PLEKHA5: variants seen among roughly 807,000 people sequenced by gnomAD.
The protein encoded by PLEKHA5 is pleckstrin homology domain-containing family A member 5.
PLEKHA5 carries 55 observed loss-of-function variants against 181.9 expected under a neutral mutation model. That is an observed-to-expected ratio of 0.30 (90% CI 0.24 to 0.38). The LOEUF is 0.38. Ranked by LOEUF, PLEKHA5 falls within the 10% of genes least tolerant of loss-of-function variation. PLEKHA5 has a pLI of 1.00. For synonymous variants in PLEKHA5, 535 were observed against 529.4 expected, an observed-to-expected ratio of 1.01 and a Z score of -0.15; for missense variants, 1,432 against 1,549.5, an observed-to-expected ratio of 0.92 and a Z score of 1.27.
intron 3 of PLEKHA5, among the ~76,000 whole-genome samples, chr12:19,158,004 C>T (rs1012324755): frequency 6.6e-5 from 10 of 152,066 alleles, no homozygotes; most frequent in Non-Finnish European, 1.2e-4. Context: ...TCAACTAATA[C>T]AGCTATTGCC....
chr12:19,374,509 A>C (rs975463653), intron 31 of PLEKHA5, among the ~76,000 whole-genome samples: 2 of 151,788 alleles, frequency 1.3e-5, no homozygotes, highest in Non-Finnish European at 2.9e-5. Context: ...AAATACAAAA[A>C]TTAGCTGGGC....
intron 6 of PLEKHA5, among the ~76,000 whole-genome samples, chr12:19,258,384 A>C (rs1449657002): frequency 6.6e-6 from 1 of 151,984 alleles, no homozygotes; most frequent in Non-Finnish European, 1.5e-5. Context: ...ATATTAGTTC[A>C]TTGGTGTCAG....
chr12:19,182,041 A>AAT (rs2048727072), intron 3 of PLEKHA5, among the ~76,000 whole-genome samples: 2 of 152,290 alleles, frequency 1.3e-5, no homozygotes, highest in African/African-American at 4.8e-5. Context: ...TTCAGTAGTT[A>AAT]TTTTTAGCAG....
chr12:19,132,527 C>T, intron 3 of PLEKHA5, 77 bp downstream of exon 3: 2 of 745,982 alleles, frequency 2.7e-6, no homozygotes, highest in Non-Finnish European at 4.7e-6. Flanking sequence ...AGTTGTATGT[C>T]CAGTCTTGAT....
chr12:19,357,600 C>G (rs145705216), intron 26 of PLEKHA5, among the ~76,000 whole-genome samples: 2 of 151,248 alleles, frequency 1.3e-5, no homozygotes, highest in African/African-American at 4.9e-5. Flanking sequence ...CCCAGATTTA[C>G]TGGAACTGAG....
chr12:19,160,314 T>G (rs1308066541), intron 3 of PLEKHA5, among the ~76,000 whole-genome samples: 2 of 152,070 alleles, frequency 1.3e-5, no homozygotes, highest in African/African-American at 4.8e-5. Flanking sequence ...TGTCTTATAG[T>G]ATGAAATTAT....
At chr12:19,144,732 G>C (rs892155028) in intron 3 of PLEKHA5, among the ~76,000 whole-genome samples, 5 of 152,210 alleles carry the variant, frequency 3.3e-5, no homozygotes, top group African/African-American at 1.2e-4. Flanking sequence ...ATTGTGATAA[G>C]CTAGTGATGT....
At chr12:19,172,810 A>C (rs1191601029) in intron 3 of PLEKHA5, among the ~76,000 whole-genome samples, 1 of 152,114 alleles carries the variant, frequency 6.6e-6, no homozygotes, top group Non-Finnish European at 1.5e-5. Flanking sequence ...TGGCAGAGCC[A>C]GGAAAATAAC....
intron 3 of PLEKHA5, among the ~76,000 whole-genome samples, chr12:19,141,636 A>T (rs1483622882): frequency 6.6e-6 from 1 of 152,192 alleles, no homozygotes; most frequent in Non-Finnish European, 1.5e-5. Flanking sequence ...GTTATTCGGG[A>T]TGGTTCAGGC....
At chr12:19,308,321 T>A (rs1205469496) in intron 15 of PLEKHA5, among the ~76,000 whole-genome samples, 2 of 152,162 alleles carry the variant, frequency 1.3e-5, no homozygotes, top group African/African-American at 4.8e-5. Context: ...TTGTATTTGT[T>A]CATCTCAACC....
chr12:19,143,306 A>T (rs1295181966), intron 3 of PLEKHA5, among the ~76,000 whole-genome samples: 1 of 152,222 alleles, frequency 6.6e-6, no homozygotes, highest in Non-Finnish European at 1.5e-5. Context: ...GCATTTTTTT[A>T]AAGTTAGTAA....
chr12:19,188,183 A>G (rs1044492596), intron 3 of PLEKHA5, among the ~76,000 whole-genome samples: 24 of 152,224 alleles, frequency 1.6e-4, no homozygotes, highest in African/African-American at 5.8e-4. Context: ...AAGAGCAGGT[A>G]CAAATAGAGT....
chr12:19,158,924 A>G (rs1312619327), intron 3 of PLEKHA5, among the ~76,000 whole-genome samples: 1 of 152,188 alleles, frequency 6.6e-6, no homozygotes, highest in Non-Finnish European at 1.5e-5. Flanking sequence ...CTTGTAAGTG[A>G]TCAGACATCT....
chr12:19,271,782 TAC>T lies in PLEKHA5; in HGVS notation c.845+1579_845+1580del, dbSNP rs2072890125. 3.3e-5 allele frequency among the ~76,000 whole-genome samples: 5 copies of T among 152,168 alleles called. No homozygotes were observed. In the South Asian group the frequency reaches 1.0e-3, roughly 32 times the overall value. Reference sequence around the variant, plus strand: ...TGATAGTTCACTAGTTAGGTGCTTATACAGTTTTCAGCCGTCTTTGTTAGTGT... The same window carrying T: ...TGATAGTTCACTAGTTAGGTGCTTATAGTTTTCAGCCGTCTTTGTTAGTGT... On this transcript the variant is annotated intron_variant, in intron 10 of 31. Transcript: ENST00000429027.
At chr12:19,195,071 G>A (rs1048794989) in intron 3 of PLEKHA5, among the ~76,000 whole-genome samples, 6 of 151,910 alleles carry the variant, frequency 3.9e-5, no homozygotes, top group East Asian at 1.9e-4. Context: ...AATTCTGTAG[G>A]GTGAGAAATA....
chr12:19,175,308 A>C (rs2046923976), intron 3 of PLEKHA5, among the ~76,000 whole-genome samples: 1 of 152,212 alleles, frequency 6.6e-6, no homozygotes, highest in Admixed American at 6.5e-5. Context: ...GAACTTGCAT[A>C]TTGTTTTTAA....
chr12:19,145,885 A>G (rs796279721), intron 3 of PLEKHA5, among the ~76,000 whole-genome samples: 6 of 152,346 alleles, frequency 3.9e-5, no homozygotes, highest in African/African-American at 1.4e-4. Context: ...AGTTCAAAAA[A>G]TTGGAAATGC....
chr12:19,317,356 CTT>C (rs58539448), intron 16 of PLEKHA5, among the ~76,000 whole-genome samples: 7 of 139,852 alleles, frequency 5.0e-5, no homozygotes, highest in Admixed American at 7.3e-5. Context: ...GATACTATCT[CTT>C]TTTTTTTTTT....
intron 3 of PLEKHA5, among the ~76,000 whole-genome samples, chr12:19,186,528 A>G (rs964033915): frequency 2.0e-5 from 3 of 152,198 alleles, no homozygotes; most frequent in Non-Finnish European, 2.9e-5. Context: ...AGTATACCAA[A>G]TTTACTTTCT....
Sources: gnomAD v4.1 joint callset for allele counts (sites outside exome capture counted in the v4.1 genomes callset) on GRCh38, gnomAD v4.1.1 for gene constraint, MANE v1.5 for transcripts, NCBI Gene and HGNC (gene_info 2026-07-23, HGNC 2026-07-21) for gene names.